LHFPL3: variants seen among roughly 807,000 people sequenced by gnomAD.
LHFPL3 encodes the protein LHFPL tetraspan subfamily member 3 protein.
A neutral mutation model predicts 19.3 loss-of-function variants in LHFPL3; 5 were observed. That is an observed-to-expected ratio of 0.26 (90% CI 0.14 to 0.54). The LOEUF (loss-of-function observed/expected upper bound fraction) is 0.54. Ranked by LOEUF, LHFPL3 falls within the 20% of genes least tolerant of loss-of-function variation. The pLI is 0.94. For missense variants in LHFPL3, 249 were observed against 307.4 expected (o/e 0.81, Z 1.42); for synonymous variants, 133 against 126.2 (o/e 1.05, Z -0.36).
chr7:104,480,992 G>C (rs1584349559), intron 1 of LHFPL3, among the ~76,000 whole-genome samples: 1 of 152,132 alleles, frequency 6.6e-6, no homozygotes, highest in Non-Finnish European at 1.5e-5. Flanking sequence ...GAAGCAAGGA[G>C]ACCAGCATTC....
At chr7:104,593,213 T>C (rs2115649718) in intron 1 of LHFPL3, among the ~76,000 whole-genome samples, 2 of 152,296 alleles carry the variant, frequency 1.3e-5, no homozygotes, top group Non-Finnish European at 2.9e-5. Context: ...GTTTTGAGTG[T>C]GTCCCAGAGA....
chr7:104,420,927 T>C (rs1405139505), intron 1 of LHFPL3, among the ~76,000 whole-genome samples: 2 of 152,090 alleles, frequency 1.3e-5, no homozygotes, highest in Admixed American at 6.5e-5. Context: ...AGAGTAAGTA[T>C]GTGGGAAAGC....
At chr7:104,849,055 C>A (rs921938414) in intron 2 of LHFPL3, among the ~76,000 whole-genome samples, 1 of 152,018 alleles carries the variant, frequency 6.6e-6, no homozygotes, top group African/African-American at 2.4e-5. Flanking sequence ...GCCTCCCACC[C>A]AAGTAGCTGG....
At chr7:104,523,634 C>G (rs973306953) in intron 1 of LHFPL3, among the ~76,000 whole-genome samples, 1 of 152,106 alleles carries the variant, frequency 6.6e-6, no homozygotes, top group South Asian at 2.1e-4. Context: ...CATATAGTCA[C>G]TTAGATATAG....
At chr7:104,694,233 A>G (rs921356467) in intron 1 of LHFPL3, among the ~76,000 whole-genome samples, 9 of 152,188 alleles carry the variant, frequency 5.9e-5, no homozygotes, top group African/African-American at 1.7e-4. Flanking sequence ...GTTTCTGACC[A>G]CTCACCAAAG....
At chr7:104,840,473 CCT>C (rs1491108479) in intron 2 of LHFPL3, among the ~76,000 whole-genome samples, 26 of 91,026 alleles carry the variant, frequency 2.9e-4, no homozygotes, top group Admixed American at 1.0e-3. Flanking sequence ...ATTTTCTTTT[CCT>C]TTTTTTTTTT....
At chr7:104,754,265 C>T (rs1489655886) in intron 2 of LHFPL3, among the ~76,000 whole-genome samples, 4 of 152,108 alleles carry the variant, frequency 2.6e-5, no homozygotes, top group Admixed American at 2.6e-4. Flanking sequence ...ATAATTATCA[C>T]TTAGATAAAT....
At chr7:104,680,259 G>T (rs746867635) in intron 1 of LHFPL3, among the ~76,000 whole-genome samples, 3 of 152,206 alleles carry the variant, frequency 2.0e-5, no homozygotes, top group Non-Finnish European at 4.4e-5. Context: ...ACCTCCCTAT[G>T]CTGAAAAGAT....
chr7:104,633,197 A>G (rs541727224), intron 1 of LHFPL3, among the ~76,000 whole-genome samples: 1 of 152,312 alleles, frequency 6.6e-6, no homozygotes, highest in East Asian at 1.9e-4. Flanking sequence ...TCAGTTTCTC[A>G]ATGTCAGATA....
chr7:104,429,485 GT>G (rs1233763157), intron 1 of LHFPL3, among the ~76,000 whole-genome samples: 10 of 138,768 alleles, frequency 7.2e-5, no homozygotes, highest in Non-Finnish European at 1.4e-4. Flanking sequence ...TTTTTGTTTT[GT>G]TTTTTTTTTA....
chr7:104,581,996 T>A (rs1183312990), intron 1 of LHFPL3, among the ~76,000 whole-genome samples: 1 of 151,984 alleles, frequency 6.6e-6, no homozygotes, highest in Non-Finnish European at 1.5e-5. Flanking sequence ...ATAAGTTTGT[T>A]CATTTTTATC....
At chr7:104,694,136 T>C (rs1022704072) in intron 1 of LHFPL3, among the ~76,000 whole-genome samples, 3 of 152,204 alleles carry the variant, frequency 2.0e-5, no homozygotes, top group African/African-American at 7.2e-5. Context: ...TGTTCTAGAA[T>C]TTATCACCAT....
intron 2 of LHFPL3, among the ~76,000 whole-genome samples, chr7:104,775,490 A>C (rs960276563): frequency 6.6e-6 from 1 of 152,168 alleles, no homozygotes; most frequent in African/African-American, 2.4e-5. Flanking sequence ...AATATTAATC[A>C]TTTATGCCCA....
intron 1 of LHFPL3, among the ~76,000 whole-genome samples, chr7:104,613,949 G>A (rs559728479): frequency 3.5e-4 from 54 of 152,270 alleles, no homozygotes; most frequent in African/African-American, 1.3e-3. Flanking sequence ...TAGCACATAA[G>A]TTAGGCTCCT....
At chr7:104,833,052 A>AATAGATATATATTATATATATATCC (rs1554349416) in intron 2 of LHFPL3, among the ~76,000 whole-genome samples, 1 of 7,204 alleles carries the variant, frequency 1.4e-4, no homozygotes, top group African/African-American at 3.6e-4. Context: ...TATTATATAT[A>AATAGATATATATTATATATATATCC]TATTATATAT....
rs1339513204 is a variant in LHFPL3, at chr7:104,591,538, G to T, written c.446-145137G>T. 2.6e-5 allele frequency among the ~76,000 whole-genome samples: 4 copies of T among 152,266 alleles called. No individual in the cohort carries two copies. The South Asian group carries it at 8.3e-4, about 32-fold the overall frequency. On this transcript the variant is annotated intron_variant, in intron 1 of 2. Transcript: ENST00000424859. Reference sequence around the variant, plus strand: ...GGTAACCCGACCTTTCTCTCTGGCTGCCCTTAACATTTTTTCCTTCATTTC... The same window carrying T: ...GGTAACCCGACCTTTCTCTCTGGCTTCCCTTAACATTTTTTCCTTCATTTC...
chr7:104,752,175 C>T (rs981513014), intron 2 of LHFPL3, among the ~76,000 whole-genome samples: 28 of 152,274 alleles, frequency 1.8e-4, no homozygotes, highest in Non-Finnish European at 2.8e-4. Flanking sequence ...CCCACTAATT[C>T]GGGACCTTTT....
At chr7:104,338,579 G>C (rs1789883921) in intron 1 of LHFPL3, among the ~76,000 whole-genome samples, 1 of 152,122 alleles carries the variant, frequency 6.6e-6, no homozygotes, top group South Asian at 2.1e-4. Flanking sequence ...GAAAATTGTG[G>C]AAGATTTATA....
At chr7:104,569,852 C>G (rs1790195183) in intron 1 of LHFPL3, among the ~76,000 whole-genome samples, 1 of 152,138 alleles carries the variant, frequency 6.6e-6, no homozygotes, top group Non-Finnish European at 1.5e-5. Flanking sequence ...GATTCAAACC[C>G]AACTCTGTTT....
Sources: gnomAD v4.1 joint callset for allele counts (sites outside exome capture counted in the v4.1 genomes callset) on GRCh38, gnomAD v4.1.1 for gene constraint, MANE v1.5 for transcripts, NCBI Gene and HGNC (gene_info 2026-07-23, HGNC 2026-07-21) for gene names.